Variants in ARPP21 observed in about 807,000 individuals in gnomAD.
ARPP21 encodes cAMP regulated phosphoprotein 21, also known as cAMP-regulated phosphoprotein 21.
ARPP21 carries 69 observed loss-of-function variants against 113.2 expected under a neutral mutation model. The ratio of observed to expected loss-of-function variants is 0.61; its 90% confidence interval spans 0.50 to 0.74. The LOEUF is 0.74. Ranked by LOEUF, ARPP21 falls within the 30% of genes least tolerant of loss-of-function variation. ARPP21 has a pLI of 0.00. For missense variants in ARPP21, 1,070 were observed against 1,037.4 expected (o/e 1.03, Z -0.43); for synonymous variants, 368 against 375.5 (o/e 0.98, Z 0.23).
intron 14 of ARPP21, among the ~76,000 whole-genome samples, chr3:35,726,106 A>G (rs962625609): frequency 5.9e-5 from 9 of 152,372 alleles, no homozygotes; most frequent in Admixed American, 3.3e-4. Context: ...GACAATTCTT[A>G]TAGAGAAACT....
chr3:35,759,730 A>AT (rs2151270217), intron 19 of ARPP21, among the ~76,000 whole-genome samples: 1 of 143,424 alleles, frequency 7.0e-6, no homozygotes, highest in South Asian at 2.2e-4. Context: ...ACTGAAATTT[A>AT]TTTTCCCACA....
At chr3:35,748,173 A>AG (rs2095242108) in intron 19 of ARPP21, among the ~76,000 whole-genome samples, 1 of 120,206 alleles carries the variant, frequency 8.3e-6, no homozygotes. Flanking sequence ...AGAACAGAAA[A>AG]GAAAAGAAAG....
chr3:35,706,015 C>T lies in ARPP21; in HGVS notation c.687-959C>T, dbSNP rs571638655. 2.6e-5 allele frequency among the ~76,000 whole-genome samples: 4 copies of T among 152,280 alleles called. No individual in the cohort carries two copies. The East Asian group carries it at 7.7e-4, about 29-fold the overall frequency. ...CTGGTCACTCATATTACACAACAGACACTGTGAGTGGCTTCCTAATGACTC... is the reference window on the plus strand; with the variant it reads ...CTGGTCACTCATATTACACAACAGATACTGTGAGTGGCTTCCTAATGACTC... On this transcript the variant is annotated intron_variant, in intron 9 of 20. Coordinates refer to ENST00000684406, the MANE Select transcript of ARPP21 (RefSeq NM_001385562.1).
At chr3:35,683,599 G>A (rs2079620519) in intron 4 of ARPP21, 127 bp from the exon 5 acceptor site, 1 of 656,530 alleles carries the variant, frequency 1.5e-6, no homozygotes, top group Non-Finnish European at 2.8e-6. Context: ...TGGCAGACTT[G>A]AAGTTTGGTT....
At chr3:35,703,144 G>A (rs927742753) in intron 9 of ARPP21, among the ~76,000 whole-genome samples, 1 of 151,794 alleles carries the variant, frequency 6.6e-6, no homozygotes, top group Non-Finnish European at 1.5e-5. Context: ...AAGGATTAAG[G>A]TTAACTATTT....
intron 15 of ARPP21, among the ~76,000 whole-genome samples, chr3:35,730,201 C>A (rs2093851245): frequency 6.6e-6 from 1 of 152,144 alleles, no homozygotes; most frequent in South Asian, 2.1e-4. Context: ...TTTAATTTTG[C>A]ATTTTTCTAG....
chr3:35,739,729 C>T (rs2094546306), intron 18 of ARPP21, 152 bp downstream of exon 18: 1 of 1,138,878 alleles, frequency 8.8e-7, no homozygotes, highest in African/African-American at 1.6e-5. Context: ...TATATTTTTT[C>T]ATGCATCAGT....
intron 19 of ARPP21, among the ~76,000 whole-genome samples, chr3:35,758,668 G>A (rs1004454829): frequency 5.3e-5 from 8 of 151,832 alleles, no homozygotes; most frequent in African/African-American, 1.7e-4. Context: ...CAGAAACTAC[G>A]CTTTTGACAA....
chr3:35,737,778 G>A (rs890197126), intron 16 of ARPP21, among the ~76,000 whole-genome samples: 1 of 152,166 alleles, frequency 6.6e-6, no homozygotes, highest in South Asian at 2.1e-4. Flanking sequence ...ACAGAAATCA[G>A]TCAATTCCAG....
chr3:35,727,961 C>T (rs1461433809), intron 14 of ARPP21, among the ~76,000 whole-genome samples: 4 of 151,988 alleles, frequency 2.6e-5, no homozygotes, highest in Admixed American at 6.6e-5. Context: ...GCACACTGTT[C>T]CTGTTACCTG....
chr3:35,690,208 C>A, intron 8 of ARPP21, 68 bp downstream of exon 8: 1 of 805,180 alleles, frequency 1.2e-6, no homozygotes, highest in Non-Finnish European at 2.2e-6. Flanking sequence ...TTAAATTGTC[C>A]ATTCTGGAAA....
intron 3 of ARPP21, 81 bp from the exon 4 acceptor site, chr3:35,682,766 CT>C: frequency 1.9e-6 from 2 of 1,053,598 alleles, no homozygotes; most frequent in East Asian, 2.7e-5. Flanking sequence ...CTCTTTCTTT[CT>C]CTCTCTCTCT....
intron 19 of ARPP21, among the ~76,000 whole-genome samples, chr3:35,750,812 AATGTTT>A (rs2095375417): frequency 6.6e-6 from 1 of 152,084 alleles, no homozygotes; most frequent in African/African-American, 2.4e-5. Context: ...TTGAATAAGA[AATGTTT>A]TATCACCTAA....
chr3:35,720,787 C>T (rs982179654), intron 13 of ARPP21, among the ~76,000 whole-genome samples: 1 of 152,186 alleles, frequency 6.6e-6, no homozygotes, highest in Non-Finnish European at 1.5e-5. Flanking sequence ...TCAAACTTCA[C>T]TTCTGGCTAT....
chr3:35,720,103 C>G (rs2092907318), intron 13 of ARPP21, among the ~76,000 whole-genome samples: 1 of 152,156 alleles, frequency 6.6e-6, no homozygotes, highest in Non-Finnish European at 1.5e-5. Flanking sequence ...TCAAGTGGTT[C>G]TTATTTCTAA....
intron 1 of ARPP21, chr3:35,678,939 G>A (rs1405083169): frequency 6.6e-6 from 1 of 151,976 alleles, no homozygotes; most frequent in Non-Finnish European, 1.5e-5. Flanking sequence ...CCTGATTTGG[G>A]CAAATATTAT....
At chr3:35,739,258 G>T in intron 17 of ARPP21, 59 bp from the exon 18 acceptor site, 1 of 1,574,004 alleles carries the variant, frequency 6.4e-7, no homozygotes, top group Admixed American at 1.7e-5. Flanking sequence ...GCCTCAGAGT[G>T]CCTCTCTTAT....
chr3:35,674,062 A>G (rs1346788576), intron 1 of ARPP21, among the ~76,000 whole-genome samples: 2 of 151,986 alleles, frequency 1.3e-5, no homozygotes, highest in Admixed American at 1.3e-4. Flanking sequence ...TGTTTTCTTG[A>G]CATCCAGATA....
chr3:35,722,903 G>C (rs1168510090), intron 14 of ARPP21, among the ~76,000 whole-genome samples: 1 of 152,178 alleles, frequency 6.6e-6, no homozygotes, highest in Non-Finnish European at 1.5e-5. Context: ...TCTCAGGAAG[G>C]TGACAAATGA....
Sources: gnomAD v4.1 joint callset for allele counts (sites outside exome capture counted in the v4.1 genomes callset) on GRCh38, gnomAD v4.1.1 for gene constraint, MANE v1.5 for transcripts, NCBI Gene and HGNC (gene_info 2026-07-23, HGNC 2026-07-21) for gene names.